Variants in MRPS9 observed in about 807,000 individuals in gnomAD.
MRPS9 encodes mitochondrial ribosomal protein S9.
A neutral mutation model predicts 59.9 loss-of-function variants in MRPS9; 45 were observed. The observed-to-expected ratio is 0.75, with a 90% CI of 0.59 to 0.96. The LOEUF is 0.96. Among genes scored for constraint, MRPS9 ranks in the 40% least tolerant of loss-of-function variants. The pLI, the probability that MRPS9 is intolerant of heterozygous loss-of-function variation, is 0.00. For missense variants in MRPS9, 473 were observed against 481.1 expected (o/e 0.98, Z 0.16); for synonymous variants, 171 against 166.8 (o/e 1.03, Z -0.19).
chr2:105,047,997 CAGTGTA>C (rs1434388238), intron 1 of MRPS9, among the ~76,000 whole-genome samples: 2 of 152,016 alleles, frequency 1.3e-5, no homozygotes, highest in Non-Finnish European at 2.9e-5. Context: ...GTCCCACCAA[CAGTGTA>C]AAAGTGTTCC....
intron 5 of MRPS9, among the ~76,000 whole-genome samples, chr2:105,088,247 A>C (rs59001470): frequency 0.014 from 2,123 of 152,332 alleles, 33 homozygotes; most frequent in Middle Eastern, 0.041. Flanking sequence ...TGTTAGTCTC[A>C]AAAAGTTAAG....
intron 2 of MRPS9, among the ~76,000 whole-genome samples, chr2:105,062,883 C>T (rs543128328): frequency 3.3e-5 from 5 of 152,242 alleles, no homozygotes; most frequent in Admixed American, 6.5e-5. Context: ...GTTAGGATTG[C>T]GCCCTTCATT....
chr2:105,048,536 G>C (rs1210970353), intron 1 of MRPS9, among the ~76,000 whole-genome samples: 1 of 151,866 alleles, frequency 6.6e-6, no homozygotes, highest in Non-Finnish European at 1.5e-5. Flanking sequence ...TAAAAGATAT[G>C]CGAGCCCTTA....
intron 5 of MRPS9, among the ~76,000 whole-genome samples, chr2:105,084,050 A>G (rs1055359062): frequency 2.0e-5 from 3 of 152,116 alleles, no homozygotes; most frequent in African/African-American, 7.2e-5. Context: ...GCATTTATTG[A>G]AGTTTTACAA....
rs1573454098 is a variant in MRPS9, at chr2:105,099,836, G to C, written c.*75G>C. On this transcript the variant is annotated 3_prime_UTR_variant, in exon 11 of 11. Coordinates refer to ENST00000258455, the MANE Select transcript of MRPS9 (RefSeq NM_182640.3). ...TGTGGCAGACACACAGTAAATAATG[G>C]CTGACCAGCATGAGGGCAGTACTGT... 5.8e-6 allele frequency: 8 copies of C among 1,375,238 alleles called. No homozygotes were observed. In the East Asian group the frequency reaches 1.9e-4, roughly 32 times the overall value. The allele number at this position is 1,375,238 out of a possible 1,614,324, so 85.2% of individuals were successfully genotyped here.
chr2:105,078,304 C>T (rs1008044004), intron 4 of MRPS9, among the ~76,000 whole-genome samples: 1 of 123,160 alleles, frequency 8.1e-6, no homozygotes, highest in South Asian at 2.6e-4. Flanking sequence ...ACCTTAGGTT[C>T]GGTGAAGTCA....
At chr2:105,082,091 C>T (rs10208976) in intron 5 of MRPS9, among the ~76,000 whole-genome samples, 43,946 of 151,934 alleles carry the variant, frequency 0.29, 6,468 homozygotes, top group Middle Eastern at 0.43. Context: ...TTCTGCCTGG[C>T]CTTGGTGGTG....
intron 1 of MRPS9, among the ~76,000 whole-genome samples, chr2:105,045,599 C>T (rs183010433): frequency 3.3e-5 from 5 of 151,806 alleles, no homozygotes; most frequent in Non-Finnish European, 5.9e-5. Flanking sequence ...TATTATGACC[C>T]AACAGAATTG....
intron 2 of MRPS9, among the ~76,000 whole-genome samples, chr2:105,056,881 AGTG>A (rs1331553045): frequency 6.6e-6 from 1 of 152,146 alleles, no homozygotes. Context: ...GCTTGTCACT[AGTG>A]GTACTTATTT....
chr2:105,088,816 A>G (rs990789410), intron 5 of MRPS9, among the ~76,000 whole-genome samples, 168 bp from the exon 6 acceptor site: 2 of 152,138 alleles, frequency 1.3e-5, no homozygotes, highest in Admixed American at 6.5e-5. Context: ...TAAATGAGAA[A>G]TAGTATTATT....
intron 9 of MRPS9, among the ~76,000 whole-genome samples, chr2:105,096,036 C>T (rs11895518): frequency 0.75 from 113,308 of 152,028 alleles, 42,670 homozygotes; most frequent in African/African-American, 0.85. Flanking sequence ...GGCTACTTTT[C>T]ATTTGGTTTC....
chr2:105,045,707 A>T (rs1679580312), intron 1 of MRPS9, among the ~76,000 whole-genome samples: 1 of 149,448 alleles, frequency 6.7e-6, no homozygotes, highest in Non-Finnish European at 1.5e-5. Flanking sequence ...AGCACATTGA[A>T]TATACCGATG....
chr2:105,052,230 A>G (rs1464982683), intron 2 of MRPS9, among the ~76,000 whole-genome samples: 1 of 152,194 alleles, frequency 6.6e-6, no homozygotes, highest in Non-Finnish European at 1.5e-5. Context: ...GTCATTCACC[A>G]TTAAATATGA....
chr2:105,088,101 A>G (rs937703888), intron 5 of MRPS9, among the ~76,000 whole-genome samples: 1 of 150,818 alleles, frequency 6.6e-6, no homozygotes, highest in African/African-American at 2.4e-5. Flanking sequence ...AGGAGGTATC[A>G]TGATTAGCAA....
At chr2:105,079,632 G>A (rs1264670951) in intron 4 of MRPS9, among the ~76,000 whole-genome samples, 1 of 151,928 alleles carries the variant, frequency 6.6e-6, no homozygotes, top group Non-Finnish European at 1.5e-5. Context: ...TAAAAATATG[G>A]GAGGGAGTTA....
chr2:105,049,891 A>G (rs1679677517), intron 2 of MRPS9, among the ~76,000 whole-genome samples: 1 of 152,228 alleles, frequency 6.6e-6, no homozygotes. Flanking sequence ...TGAATTTAAC[A>G]ACTTTGAATC....
At chr2:105,082,587 T>G (rs1343319609) in intron 5 of MRPS9, among the ~76,000 whole-genome samples, 1 of 152,242 alleles carries the variant, frequency 6.6e-6, no homozygotes, top group Non-Finnish European at 1.5e-5. Context: ...CCAGTTGACC[T>G]ATATTTAGTC....
intron 1 of MRPS9, among the ~76,000 whole-genome samples, chr2:105,048,071 A>G (rs1679626000): frequency 2.0e-5 from 3 of 152,138 alleles, no homozygotes; most frequent in African/African-American, 7.2e-5. Context: ...TTGCGGCACT[A>G]TTCACAATAG....
At position 105,099,941 on chromosome 2, in the gene MRPS9, A is replaced by G. The variant is rs957515021; in HGVS notation, c.*180A>G. The G allele has an allele frequency of 6.2e-6, 3 of 484,690 alleles. No homozygotes were observed. Among genetic ancestry groups the G allele is most frequent in the Admixed American group, 7.2e-5 (2 of 27,728 alleles). The allele number at this position is 484,690 out of a possible 1,614,324, so 30.0% of individuals were successfully genotyped here. A position where few individuals can be genotyped will look rare whatever the true frequency, so the allele number is the denominator to read the frequency against. On this transcript the variant is annotated 3_prime_UTR_variant, in exon 11 of 11. Transcript: ENST00000258455. Reference sequence around the variant, plus strand: ...GGTGACCTTTAAAAAATAAAAGGAAAATAAAGAATGTTAGTTTCATTCTGC... The same window carrying G: ...GGTGACCTTTAAAAAATAAAAGGAAGATAAAGAATGTTAGTTTCATTCTGC...
Sources: allele counts gnomAD v4.1 joint callset (sites outside exome capture counted in the v4.1 genomes callset), GRCh38; gene constraint gnomAD v4.1.1; transcripts MANE v1.5; gene names NCBI Gene and HGNC (gene_info 2026-07-23, HGNC 2026-07-21).